Variants in DMD observed in about 807,000 individuals in gnomAD.
DMD encodes the protein mutant dystrophin.
In DMD, 63 loss-of-function variants were observed where a neutral mutation model predicts 330.1. That is an observed-to-expected ratio of 0.19 (90% CI 0.16 to 0.24). The LOEUF (loss-of-function observed/expected upper bound fraction) is 0.24, where lower values mean the gene tolerates loss of function less well. Among genes scored for constraint, DMD ranks in the 10% least tolerant of loss-of-function variants. DMD has a pLI of 1.00. For synonymous variants in DMD, 1,223 were observed against 959.8 expected (o/e 1.27, Z -5.07); for missense variants, 3,344 against 2,684.1 (o/e 1.25, Z -5.43).
Position 32,816,601 on chromosome X carries a change from G to C in DMD, c.397C>G (p.Gln133Glu), listed in dbSNP as rs1422155550. ...VMKNIMAGLQ[Q>E]TNSEKILLSW... ...AGGAGAATCTTTTCACTGTTGGTTT[G>C]TTGCAATCCAGCCATGATATTTTTC... The change falls in exon 6 of 79, where the codon CAA (glutamine) becomes GAA (glutamate). Residue 133 changes from glutamine (Q) to glutamate (E), a missense_variant. Gln to Glu is a conservative substitution (Grantham distance 29). Coordinates refer to ENST00000357033, the MANE Select transcript of DMD (RefSeq NM_004006.3). 3 of 1,209,695 alleles carry C rather than the reference G, an allele frequency of 2.5e-6. No homozygotes were observed. Among genetic ancestry groups the C allele is most frequent in the Non-Finnish European group, 3.4e-6 (3 of 894,973 alleles).
intron 52 of DMD, among the ~76,000 whole-genome samples, chrX:31,711,413 C>G (rs1384458592): frequency 8.9e-6 from 1 of 112,004 alleles, no homozygotes; most frequent in Non-Finnish European, 1.9e-5. Flanking sequence ...CAGCCAATCT[C>G]CGGTTTTTAA....
intron 11 of DMD, among the ~76,000 whole-genome samples, chrX:32,623,330 G>A (rs903241989): frequency 1.2e-4 from 13 of 111,279 alleles, no homozygotes; most frequent in Non-Finnish European, 1.9e-4. Context: ...ACTGATATCA[G>A]AAGGTGAGTT....
intron 2 of DMD, among the ~76,000 whole-genome samples, chrX:33,010,014 A>G (rs1346705348): frequency 2.7e-5 from 2 of 75,060 alleles, no homozygotes; most frequent in South Asian, 6.9e-4. Flanking sequence ...ATGTGTATAT[A>G]CACATATGTG....
At chrX:33,254,238 C>A (rs867530893) in intron 1 of DMD, among the ~76,000 whole-genome samples, 4 of 97,982 alleles carry the variant, frequency 4.1e-5, no homozygotes, top group Non-Finnish European at 5.7e-5. Context: ...GGAGCATACA[C>A]TATTGTTTAC....
chrX:33,242,249 TC>T (rs1198479290), intron 1 of DMD, among the ~76,000 whole-genome samples: 1 of 111,497 alleles, frequency 9.0e-6, no homozygotes, highest in African/African-American at 3.3e-5. Flanking sequence ...TAGTCTTTTA[TC>T]CCTTGCCTCC....
chrX:33,181,492 G>C (rs1172619409), intron 1 of DMD, among the ~76,000 whole-genome samples: 1 of 111,720 alleles, frequency 9.0e-6, no homozygotes, highest in Non-Finnish European at 1.9e-5. Context: ...CAGGGAGGTA[G>C]CATGATGTGG....
At chrX:31,598,698 A>G (rs1003856979) in intron 55 of DMD, among the ~76,000 whole-genome samples, 10 of 112,146 alleles carry the variant, frequency 8.9e-5, no homozygotes, top group African/African-American at 3.2e-4. Context: ...GCTACAAGTC[A>G]TATTCAGGTG....
chrX:33,274,824 G>C (rs2053209951), intron 1 of DMD, among the ~76,000 whole-genome samples: 1 of 111,346 alleles, frequency 9.0e-6, no homozygotes, highest in South Asian at 3.8e-4. Flanking sequence ...CCTCCAGGAA[G>C]ATTTGAGGGC....
At chrX:32,768,868 C>G (rs755805787) in intron 7 of DMD, among the ~76,000 whole-genome samples, 42 of 111,551 alleles carry the variant, frequency 3.8e-4, no homozygotes, top group Middle Eastern at 4.6e-3. Context: ...TAGAAGCAGC[C>G]ACTCAGCCAG....
chrX:32,862,811 A>C (rs766908682), intron 2 of DMD, among the ~76,000 whole-genome samples: 1 of 110,962 alleles, frequency 9.0e-6, no homozygotes, highest in African/African-American at 3.3e-5. Flanking sequence ...ATCTTGGCTC[A>C]CTGCAACCTC....
rs757824791 is a variant in DMD, at chrX:32,621,803, T to C, written c.1332-7350A>G. On this transcript the variant is annotated intron_variant, in intron 11 of 78. Coordinates refer to ENST00000357033, the MANE Select transcript of DMD (RefSeq NM_004006.3). Reference sequence around the variant, plus strand: ...CTTTTTCTCTCTTCATTAGTGGTTCTGAAAGTGTGGTTACTGGACCCTGGA... The same window carrying C: ...CTTTTTCTCTCTTCATTAGTGGTTCCGAAAGTGTGGTTACTGGACCCTGGA... 1.1e-4 allele frequency among the ~76,000 whole-genome samples: 12 copies of C among 111,179 alleles called. No homozygotes were observed. The East Asian group carries it at 1.4e-3, about 13-fold the overall frequency.
At chrX:33,038,774 C>G (rs745585794) in intron 1 of DMD, among the ~76,000 whole-genome samples, 6 of 111,578 alleles carry the variant, frequency 5.4e-5, no homozygotes, top group Non-Finnish European at 7.5e-5. Flanking sequence ...GGGTGAATCA[C>G]TTGAGGTCAG....
intron 1 of DMD, among the ~76,000 whole-genome samples, chrX:33,081,007 C>CACACACACAAAA (rs1441153335): frequency 4.1e-5 from 4 of 98,055 alleles, no homozygotes; most frequent in African/African-American, 1.6e-4. Context: ...CACACACACA[C>CACACACACAAAA]AAAAACACAT....
At chrX:32,147,429 A>G (rs1200768608) in intron 44 of DMD, among the ~76,000 whole-genome samples, 1 of 112,060 alleles carries the variant, frequency 8.9e-6, no homozygotes, top group Non-Finnish European at 1.9e-5. Context: ...ACTGATTGAC[A>G]TATGACTTCT....
chrX:33,251,806 T>A (rs988528171), intron 1 of DMD, among the ~76,000 whole-genome samples: 5 of 110,659 alleles, frequency 4.5e-5, no homozygotes, highest in Non-Finnish European at 9.4e-5. Flanking sequence ...GAGAAAATAA[T>A]GTCTTAAAGG....
rs769294330 is a variant in DMD at position 31,823,038 on chromosome X, T to G, written c.7201-2955A>C. 4.5e-5 allele frequency among the ~76,000 whole-genome samples: 5 copies of G among 111,137 alleles called. No homozygotes were observed. In the Admixed American group the frequency reaches 4.8e-4, roughly 11 times the overall value. On this transcript the variant is annotated intron_variant, in intron 49 of 78. Transcript: ENST00000357033. ...TAAAAAAATCAAATGTTTAGCCAAC[T>G]GGGATTAGTTTAGATTGTACGACCC...
At chrX:32,672,555 G>A (rs2061696077) in intron 9 of DMD, among the ~76,000 whole-genome samples, 1 of 110,572 alleles carries the variant, frequency 9.0e-6, no homozygotes, top group East Asian at 2.8e-4. Flanking sequence ...CCATGCATAA[G>A]TCCTGATTGC....
chrX:32,756,568 A>G (rs1477251800), intron 7 of DMD, among the ~76,000 whole-genome samples: 7 of 111,337 alleles, frequency 6.3e-5, no homozygotes, highest in Non-Finnish European at 1.9e-5. Flanking sequence ...TATAAAAGTC[A>G]TCAGGAAAAA....
At chrX:32,129,728 GGAGAGAGAGAGAGAGAGA>G (rs775873181) in intron 44 of DMD, among the ~76,000 whole-genome samples, 132 of 21,438 alleles carry the variant, frequency 6.2e-3, no homozygotes, top group Non-Finnish European at 0.022. Context: ...AGAGAGGGAG[GGAGAGAGAGAGAGAGAGA>G]GAGAGAGAGA....
Sources: allele counts gnomAD v4.1 joint callset (sites outside exome capture counted in the v4.1 genomes callset), GRCh38; gene constraint gnomAD v4.1.1; transcripts MANE v1.5; gene names NCBI Gene and HGNC (gene_info 2026-07-23, HGNC 2026-07-21).